Variants in KAT7 observed in about 807,000 individuals in gnomAD.
The protein encoded by KAT7 is lysine acetyltransferase 7, also known as histone acetyltransferase KAT7.
In KAT7, 10 loss-of-function variants were observed where a neutral mutation model predicts 82.1. The ratio of observed to expected loss-of-function variants is 0.12; its 90% confidence interval spans 0.08 to 0.21. The LOEUF is 0.21. Among genes scored for constraint, KAT7 ranks in the 10% least tolerant of loss-of-function variants. The pLI is 1.00. For synonymous variants in KAT7, 250 were observed against 262.5 expected (o/e 0.95, Z 0.46); for missense variants, 378 against 760.9 (o/e 0.50, Z 5.92).
intron 7 of KAT7, chr17:49,815,421 C>T (rs182130071): frequency 6.3e-6 from 1 of 157,614 alleles, no homozygotes; most frequent in Non-Finnish European, 1.4e-5. Context: ...TCTACCAAAG[C>T]TCCTTCCAAA....
chr17:49,808,124 T>C (rs1045859424), intron 5 of KAT7, among the ~76,000 whole-genome samples: 15 of 146,264 alleles, frequency 1.0e-4, no homozygotes, highest in South Asian at 2.2e-4. Flanking sequence ...GGTTTTCTTT[T>C]TTTTTTTTTT....
chr17:49,799,907 C>T (rs549026370), intron 4 of KAT7, among the ~76,000 whole-genome samples: 29 of 151,468 alleles, frequency 1.9e-4, no homozygotes, highest in African/African-American at 7.0e-4. Context: ...TGGGCTCAAG[C>T]AATCCTCCCC....
intron 5 of KAT7, among the ~76,000 whole-genome samples, chr17:49,806,100 T>C (rs2074088808): frequency 6.6e-6 from 1 of 152,222 alleles, no homozygotes; most frequent in Admixed American, 6.5e-5. Context: ...GAAAATGTTA[T>C]TAATTAAATG....
At chr17:49,827,271 AT>A (rs1010734446) in intron 14 of KAT7, 129 bp from the exon 15 acceptor site, 167 of 623,704 alleles carry the variant, frequency 2.7e-4, no homozygotes, top group Admixed American at 1.2e-3. Flanking sequence ...AAAATATAGT[AT>A]TTTTTTTGAT....
At position 49,804,131 on chromosome 17, in the gene KAT7, G is replaced by A. The variant is rs1034076132; in HGVS notation, c.581-1232G>A. ...GCGGTGGCTCACGCCTGTAATCCCAGCACTTTGGGAGGCTGAGGCGGGCAG... is the reference window on the plus strand; with the variant it reads ...GCGGTGGCTCACGCCTGTAATCCCAACACTTTGGGAGGCTGAGGCGGGCAG... On this transcript the variant is annotated intron_variant, in intron 4 of 14. Coordinates refer to ENST00000259021, the MANE Select transcript of KAT7 (RefSeq NM_007067.5). Among the ~76,000 whole-genome samples the A allele has an allele frequency of 5.3e-5, 8 of 152,196 alleles. 1 individual carries two copies. The highest frequency in any genetic ancestry group is 1.9e-4 in the African/African-American group (8 of 41,472).
At chr17:49,794,671 A>G (rs2073932805) in intron 2 of KAT7, among the ~76,000 whole-genome samples, 1 of 152,264 alleles carries the variant, frequency 6.6e-6, no homozygotes, top group African/African-American at 2.4e-5. Flanking sequence ...GGAACAGCAT[A>G]TGCTAAGGAA....
At chr17:49,817,704 T>A in intron 8 of KAT7, 116 bp from the exon 9 acceptor site, 7 of 746,368 alleles carry the variant, frequency 9.4e-6, no homozygotes, top group Non-Finnish European at 1.5e-5. Context: ...TGGCCTTAAG[T>A]GACCTGCCTG....
At chr17:49,798,590 G>C in intron 4 of KAT7, 32 bp downstream of exon 4, 4 of 1,562,022 alleles carry the variant, frequency 2.6e-6, no homozygotes, top group Non-Finnish European at 3.5e-6. Flanking sequence ...GACATCCTTT[G>C]TTCTGTGGTT....
chr17:49,795,035 G>T lies in KAT7; in HGVS notation c.164-1715G>T, dbSNP rs567678863. On this transcript the variant is annotated intron_variant, in intron 2 of 14. Transcript: ENST00000259021. ...TTTTTTTTTTTTTAAATATACGTTG[G>T]GGGGTGCAGCCGTGAGAGAGTGAGG... is the stretch of plus-strand genomic sequence containing the variant. 2.0e-3 allele frequency among the ~76,000 whole-genome samples: 303 copies of T among 151,298 alleles called. 4 individuals carry two copies. The highest frequency in any genetic ancestry group is 7.0e-3 in the African/African-American group (287 of 41,162).
chr17:49,804,578 C>T (rs1433374625), intron 4 of KAT7, among the ~76,000 whole-genome samples: 1 of 152,024 alleles, frequency 6.6e-6, no homozygotes, highest in African/African-American at 2.4e-5. Context: ...GAGTTCAAGA[C>T]CAGCCTGGGC....
chr17:49,826,308 G>T (rs1486146469), intron 13 of KAT7, 162 bp downstream of exon 13: 2 of 638,668 alleles, frequency 3.1e-6, no homozygotes, highest in Non-Finnish European at 5.2e-6. Context: ...TTGGCCCCTG[G>T]GAATGGTTAT....
intron 2 of KAT7, 29 bp downstream of exon 2, chr17:49,792,062 C>G (rs1490281904): frequency 6.2e-7 from 1 of 1,604,646 alleles, no homozygotes; most frequent in Non-Finnish European, 8.5e-7. Flanking sequence ...TTCCTTACCA[C>G]TCCTCACATC....
rs578178678 is a variant in KAT7, at chr17:49,807,135, A to G, written c.663+1690A>G. Among the ~76,000 whole-genome samples the G allele has an allele frequency of 2.0e-5, 3 of 152,374 alleles. No individual in the cohort carries two copies. The South Asian group carries it at 6.2e-4, about 32-fold the overall frequency. On this transcript the variant is annotated intron_variant, in intron 5 of 14. Coordinates refer to ENST00000259021, the MANE Select transcript of KAT7 (RefSeq NM_007067.5). ...ACAGGTATCTGAGGATTCAGTGAAT[A>G]AAAGACTGCATTTAAGGAGCTCATG... is the stretch of plus-strand genomic sequence containing the variant.
intron 5 of KAT7, among the ~76,000 whole-genome samples, chr17:49,808,026 A>G (rs2074113188): frequency 6.6e-6 from 1 of 151,808 alleles, no homozygotes; most frequent in Admixed American, 6.6e-5. Context: ...CAATTCCCAG[A>G]TTATGAAACA....
In KAT7 at chr17:49,829,893, T is replaced by TG. The variant is rs2074409010; in HGVS notation, c.*2391_*2392insG. 6.6e-6 allele frequency: 1 copy of TG among 152,128 alleles called. No individual in the cohort carries two copies. Among genetic ancestry groups the TG allele is most frequent in the Non-Finnish European group, 1.5e-5 (1 of 68,050 alleles). 9.4% of individuals were successfully genotyped at this position (152,128 alleles called of 1,614,324 possible). A position where few individuals can be genotyped will look rare whatever the true frequency, so the allele number is the denominator to read the frequency against. On this transcript the variant is annotated 3_prime_UTR_variant, in exon 15 of 15. Transcript: ENST00000259021. ...CTATCCCATTTCATTCCGTTTTTTTTTTTTTGAGTCAGAGTCTGGCTCTGT... is the reference window on the plus strand; with the variant it reads ...CTATCCCATTTCATTCCGTTTTTTTTGTTTTTGAGTCAGAGTCTGGCTCTGT...
chr17:49,806,362 T>C (rs773502150), intron 5 of KAT7, among the ~76,000 whole-genome samples: 1 of 152,246 alleles, frequency 6.6e-6, no homozygotes, highest in Non-Finnish European at 1.5e-5. Flanking sequence ...CAAAGTAGTG[T>C]ACTTTCCGTG....
chr17:49,790,567 C>G (rs2073873969), intron 1 of KAT7, among the ~76,000 whole-genome samples: 1 of 152,112 alleles, frequency 6.6e-6, no homozygotes, highest in Non-Finnish European at 1.5e-5. Context: ...CCACAGTCCT[C>G]TTTCTTAATT....
intron 4 of KAT7, among the ~76,000 whole-genome samples, chr17:49,802,504 T>C (rs2074037023): frequency 6.6e-6 from 1 of 151,882 alleles, no homozygotes; most frequent in Non-Finnish European, 1.5e-5. Flanking sequence ...CCCATCTCTA[T>C]TAAAAATACA....
intron 9 of KAT7, among the ~76,000 whole-genome samples, chr17:49,821,040 GTTAT>G (rs1210087405): frequency 6.6e-6 from 1 of 152,098 alleles, no homozygotes; most frequent in East Asian, 1.9e-4. Context: ...CAAGCGTATT[GTTAT>G]TTATTTGGCC....
Sources: allele counts gnomAD v4.1 joint callset (sites outside exome capture counted in the v4.1 genomes callset), GRCh38; gene constraint gnomAD v4.1.1; transcripts MANE v1.5; gene names NCBI Gene and HGNC (gene_info 2026-07-23, HGNC 2026-07-21).